ARB2A: variants seen among roughly 807,000 people sequenced by gnomAD.
ARB2A encodes the protein cotranscriptional regulator ARB2A.
the ARB2A span, among the ~76,000 whole-genome samples, chr5:94,050,573 T>G: frequency 7.9e-5 from 12 of 151,436 alleles, no homozygotes; most frequent in African/African-American, 2.9e-4. Context: ...AGAATATGCT[T>G]CTAACATAAC....
chr5:93,927,106 G>GT, the ARB2A span, among the ~76,000 whole-genome samples: 1 of 151,834 alleles, frequency 6.6e-6, no homozygotes, highest in Non-Finnish European at 1.5e-5. Context: ...TTGGCAGCAA[G>GT]TAAATATGTA....
At chr5:94,059,819 T>G in the ARB2A span, among the ~76,000 whole-genome samples, 1 of 151,650 alleles carries the variant, frequency 6.6e-6, no homozygotes, top group Non-Finnish European at 1.5e-5. Flanking sequence ...AAATAAAGAT[T>G]TTTTTTCAGA....
the ARB2A span, chr5:93,733,820 C>T: frequency 6.6e-6 from 1 of 152,158 alleles, no homozygotes; most frequent in Non-Finnish European, 1.5e-5. Context: ...GTAGTTTTCA[C>T]TTTAAAAACA....
chr5:93,907,227 A>G, the ARB2A span, among the ~76,000 whole-genome samples: 1 of 151,496 alleles, frequency 6.6e-6, no homozygotes, highest in African/African-American at 2.4e-5. Context: ...GAGATACTCC[A>G]GTGAATGATT....
the ARB2A span, among the ~76,000 whole-genome samples, chr5:93,800,381 TCACA>T: frequency 0.1 from 14,337 of 140,942 alleles, 723 homozygotes; most frequent in East Asian, 0.22. Flanking sequence ...CTGCATATTT[TCACA>T]CACACACACA....
the ARB2A span, among the ~76,000 whole-genome samples, chr5:93,911,628 C>CCACACACACA: frequency 0.023 from 3,493 of 148,746 alleles, 73 homozygotes; most frequent in Admixed American, 0.07. Context: ...GCATTAGTCA[C>CCACACACACA]CACACACACA....
chr5:93,807,133 C>T, the ARB2A span, among the ~76,000 whole-genome samples: 1 of 152,022 alleles, frequency 6.6e-6, no homozygotes, highest in South Asian at 2.1e-4. Flanking sequence ...TTACCAGTTC[C>T]TCACTAAATG....
chr5:93,725,494 T>C, the ARB2A span, among the ~76,000 whole-genome samples: 1 of 152,118 alleles, frequency 6.6e-6, no homozygotes, highest in East Asian at 1.9e-4. Flanking sequence ...AATTTATGCA[T>C]AACAATCTAG....
chr5:93,976,925 G>A, the ARB2A span, among the ~76,000 whole-genome samples: 117 of 151,524 alleles, frequency 7.7e-4, no homozygotes, highest in Middle Eastern at 6.8e-3. Context: ...ACGGAAAATC[G>A]AAACACAAAA....
At chr5:93,945,151 G>A in the ARB2A span, among the ~76,000 whole-genome samples, 70 of 152,314 alleles carry the variant, frequency 4.6e-4, no homozygotes, top group African/African-American at 1.5e-3. Context: ...TTGCAGAAAT[G>A]TAATCTATAG....
the ARB2A span, among the ~76,000 whole-genome samples, chr5:93,625,768 G>C: frequency 1.3e-3 from 204 of 152,176 alleles, no homozygotes; most frequent in Non-Finnish European, 2.5e-3. Flanking sequence ...TTAAGAAAAA[G>C]TGCCTTGTAA....
chr5:93,638,666 A>C, the ARB2A span, among the ~76,000 whole-genome samples: 13 of 135,046 alleles, frequency 9.6e-5, no homozygotes, highest in African/African-American at 3.7e-4. Flanking sequence ...ACAAAAATAC[A>C]AAAAAAAAAA....
chr5:93,867,213 G>C, the ARB2A span, among the ~76,000 whole-genome samples: 1 of 152,098 alleles, frequency 6.6e-6, no homozygotes, highest in East Asian at 1.9e-4. Flanking sequence ...TTATTGCTAT[G>C]ACAGAACCAA....
the ARB2A span, among the ~76,000 whole-genome samples, chr5:93,844,437 A>G: frequency 6.6e-6 from 1 of 151,914 alleles, no homozygotes; most frequent in Non-Finnish European, 1.5e-5. Flanking sequence ...GTGAGACTCC[A>G]TCTCAAAAGA....
the ARB2A span, chr5:93,865,280 A>AC: frequency 2.3e-6 from 1 of 436,928 alleles, no homozygotes; most frequent in Non-Finnish European, 3.0e-6. Flanking sequence ...ATGGGGTTTC[A>AC]CCTTGTTAGC....
the ARB2A span, chr5:94,074,655 C>T: frequency 3.1e-6 from 5 of 1,611,522 alleles, no homozygotes; most frequent in Non-Finnish European, 4.2e-6. Context: ...CCTTTCAGTG[C>T]GGTAGTCTTT....
At chr5:93,989,561 A>G in the ARB2A span, among the ~76,000 whole-genome samples, 1 of 152,054 alleles carries the variant, frequency 6.6e-6, no homozygotes. Context: ...CTTATATACT[A>G]CGGATCCTTT....
At chr5:93,993,450 A>G in the ARB2A span, among the ~76,000 whole-genome samples, 1 of 152,236 alleles carries the variant, frequency 6.6e-6, no homozygotes, top group South Asian at 2.1e-4. Context: ...AGGCTAGCTC[A>G]TAACAGAATT....
the ARB2A span, among the ~76,000 whole-genome samples, chr5:94,064,337 G>C: frequency 6.6e-6 from 1 of 152,176 alleles, no homozygotes; most frequent in South Asian, 2.1e-4. Context: ...CAAGGGCTAT[G>C]TGATATATGG....
Sources: gnomAD v4.1 joint callset for allele counts (sites outside exome capture counted in the v4.1 genomes callset) on GRCh38, gnomAD v4.1.1 for gene constraint, MANE v1.5 for transcripts, NCBI Gene and HGNC (gene_info 2026-07-23, HGNC 2026-07-21) for gene names.